The following MLLT10 variants were observed in gnomAD, a reference collection of about 807,000 sequenced individuals.
MLLT10 encodes the protein MLLT10 histone lysine methyltransferase DOT1L cofactor.
In MLLT10, 30 loss-of-function variants were observed where a neutral mutation model predicts 129.1. That is an observed-to-expected ratio of 0.23 (90% CI 0.17 to 0.32). The LOEUF (loss-of-function observed/expected upper bound fraction) is 0.32, where lower values mean the gene tolerates loss of function less well. Among genes scored for constraint, MLLT10 ranks in the 10% least tolerant of loss-of-function variants. The pLI, the probability that MLLT10 is intolerant of heterozygous loss-of-function variation, is 1.00. For synonymous variants in MLLT10, 490 were observed against 446.4 expected (o/e 1.10, Z -1.23); for missense variants, 1,119 against 1,268.3 (o/e 0.88, Z 1.79).
In MLLT10 at chr10:21,726,257, C is replaced by A; in HGVS notation, c.1892C>A (p.Ser631Tyr). ...AVATTQANTL[S>Y]GSSLSQAPSH... The stretch of plus-strand genomic sequence containing the variant: ...TTTTCCATTTAGGCAAATACTCTAT[C>A]TGGATCTTCTCTCAGTCAGGCACCA... Residue 631 changes from serine to tyrosine, a missense_variant, in exon 15 of 23, where the codon TCT becomes TAT. By Grantham distance (144) the Ser-to-Tyr change is moderately radical (BLOSUM62 -2). Transcript: ENST00000307729. 1 of 1,607,392 alleles carries A rather than the reference C, an allele frequency of 6.2e-7. No homozygotes were observed. Among genetic ancestry groups the A allele is most frequent in the Middle Eastern group, 1.7e-4 (1 of 6,050 alleles).
chr10:21,537,643 A>T (rs1257081467), intron 2 of MLLT10, among the ~76,000 whole-genome samples: 1 of 151,242 alleles, frequency 6.6e-6, no homozygotes, highest in Non-Finnish European at 1.5e-5. Context: ...TTTTAAAAAA[A>T]TTTTTAGTAG....
At chr10:21,694,137 C>T (rs889781862) in intron 13 of MLLT10, among the ~76,000 whole-genome samples, 1 of 152,118 alleles carries the variant, frequency 6.6e-6, no homozygotes, top group Non-Finnish European at 1.5e-5. Context: ...AGTTGCGCAC[C>T]GTATCCCATC....
chr10:21,539,077 A>T (rs1413158368), intron 3 of MLLT10, 165 bp downstream of exon 3: 20 of 499,424 alleles, frequency 4.0e-5, no homozygotes, highest in Non-Finnish European at 6.0e-5. Context: ...CAGATTTTGT[A>T]AAACTGAAAA....
intron 8 of MLLT10, among the ~76,000 whole-genome samples, chr10:21,651,047 GTTTTGTTTTGTT>G (rs1564578460): frequency 5.4e-5 from 4 of 73,740 alleles, no homozygotes; most frequent in Non-Finnish European, 7.9e-5. Context: ...GTGTTGTTTT[GTTTTGTTTTGTT>G]TTGTTTTGTT....
Position 21,600,834 on chromosome 10 carries a change from CT to C in MLLT10, c.405+5395del, listed in dbSNP as rs1366549183. On this transcript the variant is annotated intron_variant, in intron 5 of 22. Coordinates refer to ENST00000307729, the MANE Select transcript of MLLT10 (RefSeq NM_001195626.3). ...TGTGTGTTCTCTCTCTCCAGCCCCC[CT>C]CTCCCCAACCCTAGTTACACATTCT... Among the ~76,000 whole-genome samples, 4 of 152,292 alleles carry C rather than the reference CT, an allele frequency of 2.6e-5. No homozygotes were observed. The East Asian group carries it at 5.8e-4, about 22-fold the overall frequency.
At chr10:21,618,420 G>A (rs1036043721) in intron 8 of MLLT10, among the ~76,000 whole-genome samples, 6 of 151,722 alleles carry the variant, frequency 4.0e-5, no homozygotes, top group South Asian at 2.1e-4. Context: ...GGAGAATCAC[G>A]CTTGAACCCA....
intron 3 of MLLT10, among the ~76,000 whole-genome samples, chr10:21,541,726 C>T (rs2035195405): frequency 6.6e-6 from 1 of 152,054 alleles, no homozygotes; most frequent in Non-Finnish European, 1.5e-5. Flanking sequence ...GTTGACCAGC[C>T]TCGTCTGGAA....
intron 9 of MLLT10, among the ~76,000 whole-genome samples, chr10:21,653,651 A>G (rs1007409613): frequency 2.0e-5 from 3 of 152,170 alleles, no homozygotes; most frequent in Admixed American, 6.5e-5. Flanking sequence ...AATATAACAT[A>G]TTCACAGGTT....
chr10:21,557,633 G>T (rs2038214351), intron 3 of MLLT10: 2 of 152,120 alleles, frequency 1.3e-5, no homozygotes, highest in Non-Finnish European at 2.9e-5. Context: ...TCTACTTCAT[G>T]AGGCTGGAAC....
intron 3 of MLLT10, among the ~76,000 whole-genome samples, chr10:21,545,099 C>T (rs2035862843): frequency 1.3e-5 from 2 of 151,936 alleles, no homozygotes; most frequent in African/African-American, 4.8e-5. Flanking sequence ...GAGCCGAGAT[C>T]GCGCTATTGC....
At chr10:21,618,983 C>T (rs2045540504) in intron 8 of MLLT10, among the ~76,000 whole-genome samples, 1 of 151,514 alleles carries the variant, frequency 6.6e-6, no homozygotes, top group African/African-American at 2.4e-5. Flanking sequence ...GATTCGGCCT[C>T]CCAAAGTGCT....
intron 13 of MLLT10, chr10:21,708,817 C>T: frequency 1.2e-6 from 1 of 847,918 alleles, no homozygotes; most frequent in Non-Finnish European, 1.4e-6. Flanking sequence ...CATTAGAGGA[C>T]CTGGTAGTTA....
At chr10:21,672,147 T>C (rs900338558) in intron 10 of MLLT10, among the ~76,000 whole-genome samples, 2 of 150,692 alleles carry the variant, frequency 1.3e-5, no homozygotes, top group African/African-American at 4.9e-5. Flanking sequence ...GTTAACACAC[T>C]AACCTGTTTT....
At chr10:21,571,978 T>C (rs2040255289) in intron 3 of MLLT10, 2 of 152,372 alleles carry the variant, frequency 1.3e-5, no homozygotes, top group South Asian at 2.1e-4. Flanking sequence ...TTTGTAGTTA[T>C]TGCTTACTGT....
intron 6 of MLLT10, among the ~76,000 whole-genome samples, chr10:21,614,301 C>T (rs2045003677): frequency 6.7e-6 from 1 of 149,534 alleles, no homozygotes; most frequent in Non-Finnish European, 1.5e-5. Context: ...TACTGAAAAG[C>T]ACAATTTATG....
chr10:21,568,703 T>C (rs1394016272), intron 3 of MLLT10, among the ~76,000 whole-genome samples: 1 of 152,092 alleles, frequency 6.6e-6, no homozygotes, highest in East Asian at 1.9e-4. Flanking sequence ...CGCAGCGAGA[T>C]CTTGGCTCAC....
chr10:21,570,471 G>T, intron 3 of MLLT10, among the ~76,000 whole-genome samples: 1 of 152,052 alleles, frequency 6.6e-6, no homozygotes. Flanking sequence ...TGTTGGCCAT[G>T]ATTTCTAAAG....
At chr10:21,704,449 A>G (rs1185969794) in intron 13 of MLLT10, among the ~76,000 whole-genome samples, 2 of 150,776 alleles carry the variant, frequency 1.3e-5, no homozygotes, top group Admixed American at 1.3e-4. Flanking sequence ...CATGTCCTGA[A>G]TAACCATTCT....
At chr10:21,637,969 T>C (rs192768964) in intron 8 of MLLT10, among the ~76,000 whole-genome samples, 1 of 152,252 alleles carries the variant, frequency 6.6e-6, no homozygotes, top group African/African-American at 2.4e-5. Flanking sequence ...CCTGGTACCT[T>C]TGAGTCCTTT....
Sources: gnomAD v4.1 joint callset for allele counts (sites outside exome capture counted in the v4.1 genomes callset) on GRCh38, gnomAD v4.1.1 for gene constraint, MANE v1.5 for transcripts, NCBI Gene and HGNC (gene_info 2026-07-23, HGNC 2026-07-21) for gene names.